Variants in ZNF69 observed in about 807,000 individuals in gnomAD.
ZNF69 encodes the protein ZNF3.
Under a neutral mutation model 50.9 loss-of-function variants are expected in ZNF69, and 47 were observed. The ratio of observed to expected loss-of-function variants is 0.92; its 90% CI spans 0.73 to 1.18. The LOEUF (loss-of-function observed/expected upper bound fraction) is 1.18. Among genes scored for constraint, ZNF69 ranks in the 50% most tolerant of loss-of-function variants. The probability of loss-of-function intolerance (pLI) is 0.00; values close to 1 mark genes in which losing one functional copy is unlikely to be tolerated. For synonymous variants in ZNF69, 216 were observed against 223.1 expected, an observed-to-expected ratio of 0.97 and a Z score of 0.29; for missense variants, 717 against 675.1, an observed-to-expected ratio of 1.06 and a Z score of -0.69.
Position 11,887,790 on chromosome 19 carries a change from TCCAGACA to T in ZNF69, c.-132_-126del. On this transcript the variant is annotated 5_prime_UTR_variant, in exon 1 of 4. Transcript: ENST00000429654. Reference sequence around the variant, plus strand: ...GTGGCGGGTCCCTGCCCACTGTTCCTCCAGACACTGAGGGGGTCGCATTCCTTACCTC... The same window carrying T: ...GTGGCGGGTCCCTGCCCACTGTTCCTCTGAGGGGGTCGCATTCCTTACCTC... 1 of 626,060 alleles carries T rather than the reference TCCAGACA, an allele frequency of 1.6e-6. No homozygotes were observed. The highest frequency in any genetic ancestry group is 2.7e-6 in the Non-Finnish European group (1 of 374,030). 38.8% of individuals were successfully genotyped at this position (626,060 alleles called of 1,614,324 possible).
At chr19:11,908,135 T>G (rs1246856645), downstream of ZNF69, among the ~76,000 whole-genome samples, 1 of 152,126 alleles carries the variant, frequency 6.6e-6, no homozygotes, top group South Asian at 2.1e-4. Flanking sequence ...TCCTAAATAT[T>G]TATGCACCCA....
chr19:11,949,896 AT>A, the ZNF69 span: 2 of 1,613,932 alleles, frequency 1.2e-6, no homozygotes, highest in African/African-American at 2.7e-5. Context: ...AGTGTAAGCA[AT>A]GTGGGAAAGC....
the ZNF69 span, among the ~76,000 whole-genome samples, chr19:11,968,001 C>T: frequency 6.6e-6 from 1 of 152,118 alleles, no homozygotes; most frequent in Non-Finnish European, 1.5e-5. Context: ...TTGGGACATC[C>T]GGATGTTCTG....
At chr19:11,944,550 T>C in the ZNF69 span, among the ~76,000 whole-genome samples, 1 of 152,288 alleles carries the variant, frequency 6.6e-6, no homozygotes, top group South Asian at 2.1e-4. Context: ...AGTTCAAACC[T>C]AGGAATAAGA....
At chr19:11,897,592 G>A (rs1392181449) in intron 1 of ZNF69, among the ~76,000 whole-genome samples, 29 of 148,012 alleles carry the variant, frequency 2.0e-4, no homozygotes, top group Non-Finnish European at 3.7e-4. Flanking sequence ...AAAAAAAAGA[G>A]TCAGGTGCGG....
At chr19:11,888,099 G>C (rs1410284456) in intron 1 of ZNF69, 113 bp downstream of exon 1, 1 of 999,568 alleles carries the variant, frequency 1.0e-6, no homozygotes. Flanking sequence ...ATCTGGGACC[G>C]AGTCCTCCTG....
chr19:11,958,467 A>C, the ZNF69 span, among the ~76,000 whole-genome samples: 1 of 152,168 alleles, frequency 6.6e-6, no homozygotes, highest in African/African-American at 2.4e-5. Flanking sequence ...GTGTTCAGCA[A>C]GCACCACACA....
the ZNF69 span, among the ~76,000 whole-genome samples, chr19:11,924,694 A>G: frequency 2.0e-5 from 3 of 152,208 alleles, no homozygotes; most frequent in South Asian, 2.1e-4. Context: ...GCTCGAGGAC[A>G]TATGCCTCTC....
the ZNF69 span, among the ~76,000 whole-genome samples, chr19:11,942,372 A>C: frequency 3.2e-3 from 487 of 152,036 alleles, 3 homozygotes; most frequent in African/African-American, 0.011. Flanking sequence ...CTATTAATTC[A>C]TAGGACTCCG....
At chr19:11,907,029 A>G (rs1972387503), downstream of ZNF69, among the ~76,000 whole-genome samples, 1 of 152,250 alleles carries the variant, frequency 6.6e-6, no homozygotes, top group South Asian at 2.1e-4. Flanking sequence ...TATGTGATGC[A>G]TGCACAAGCT....
chr19:11,950,565 G>T, the ZNF69 span: 1 of 553,270 alleles, frequency 1.8e-6, no homozygotes. Context: ...CTTCAGATGT[G>T]CCTCGCACCT....
chr19:11,940,913 T>C, the ZNF69 span, among the ~76,000 whole-genome samples: 1 of 151,634 alleles, frequency 6.6e-6, no homozygotes, highest in Non-Finnish European at 1.5e-5. Flanking sequence ...AGAGTGTCGA[T>C]TGGTGCATTC....
chr19:11,951,714 A>G, the ZNF69 span, among the ~76,000 whole-genome samples: 1 of 152,386 alleles, frequency 6.6e-6, no homozygotes, highest in Non-Finnish European at 1.5e-5. Flanking sequence ...CACATTAGTA[A>G]GAAGAGAAAA....
chr19:11,973,717 A>ATT, the ZNF69 span, among the ~76,000 whole-genome samples: 6 of 142,556 alleles, frequency 4.2e-5, no homozygotes, highest in African/African-American at 7.7e-5. Context: ...GACCTTGTTA[A>ATT]TTTTTTTTTT....
At chr19:11,902,897 T>C (rs555369906) in intron 1 of ZNF69, among the ~76,000 whole-genome samples, 42 of 152,118 alleles carry the variant, frequency 2.8e-4, no homozygotes, top group African/African-American at 9.2e-4. Flanking sequence ...CCCAGGCAAC[T>C]CACTTTTCTC....
At chr19:11,978,032 A>G in the ZNF69 span, 2 of 1,516,482 alleles carry the variant, frequency 1.3e-6, no homozygotes, top group South Asian at 2.5e-5. Flanking sequence ...ACCTTGATGG[A>G]CCATGTTAAA....
downstream of ZNF69, among the ~76,000 whole-genome samples, chr19:11,916,679 T>C (rs1294870983): frequency 6.6e-6 from 1 of 152,178 alleles, no homozygotes; most frequent in East Asian, 1.9e-4. Context: ...GGTAGATAGA[T>C]ATTTCATTTT....
At chr19:11,943,155 T>C in the ZNF69 span, among the ~76,000 whole-genome samples, 1 of 152,206 alleles carries the variant, frequency 6.6e-6, no homozygotes, top group African/African-American at 2.4e-5. Flanking sequence ...CTCCTAGTGC[T>C]GGAAACCATT....
chr19:11,935,452 C>T, the ZNF69 span, among the ~76,000 whole-genome samples: 2 of 151,874 alleles, frequency 1.3e-5, no homozygotes, highest in Non-Finnish European at 2.9e-5. Context: ...AGGCTGATCT[C>T]GAACTCCTGA....
Sources: allele counts gnomAD v4.1 joint callset (sites outside exome capture counted in the v4.1 genomes callset), GRCh38; gene constraint gnomAD v4.1.1; transcripts MANE v1.5; gene names NCBI Gene and HGNC (gene_info 2026-07-23, HGNC 2026-07-21).